Variants in AGBL1 observed in about 807,000 individuals in gnomAD.
AGBL1 encodes AGBL carboxypeptidase 1.
In AGBL1, 130 loss-of-function variants were observed where a neutral mutation model predicts 118.9. The observed-to-expected ratio is 1.09, with a 90% confidence interval of 0.95 to 1.26. The LOEUF (loss-of-function observed/expected upper bound fraction) is 1.26, where lower values mean the gene tolerates loss of function less well. AGBL1 is among the 50% of genes most tolerant of loss of function. The pLI is 0.00. For synonymous variants in AGBL1, 555 were observed against 478.9 expected, an observed-to-expected ratio of 1.16 and a Z score of -2.08; for missense variants, 1,584 against 1,298.1, an observed-to-expected ratio of 1.22 and a Z score of -3.38.
At chr15:86,319,567 C>G (rs61162074) in intron 17 of AGBL1, among the ~76,000 whole-genome samples, 138 of 151,980 alleles carry the variant, frequency 9.1e-4, no homozygotes, top group African/African-American at 3.2e-3. Flanking sequence ...AATACCAATT[C>G]TGACGTAAAT....
chr15:86,313,148 A>C (rs1373752209), intron 17 of AGBL1, among the ~76,000 whole-genome samples: 3 of 152,302 alleles, frequency 2.0e-5, no homozygotes, highest in Middle Eastern at 3.4e-3. Flanking sequence ...TCATGGTAAG[A>C]AGTGGGGGAC....
At chr15:86,156,978 C>T (rs756211506) in intron 4 of AGBL1, among the ~76,000 whole-genome samples, 10 of 151,856 alleles carry the variant, frequency 6.6e-5, no homozygotes, top group South Asian at 4.2e-4. Context: ...TTAGTAAAGA[C>T]GGAGTTTCAC....
At chr15:86,251,540 T>G (rs145722538) in intron 7 of AGBL1, among the ~76,000 whole-genome samples, 1 of 152,308 alleles carries the variant, frequency 6.6e-6, no homozygotes, top group African/African-American at 2.4e-5. Context: ...TGAGACTGAC[T>G]GTAAAGGAAC....
intron 6 of AGBL1, among the ~76,000 whole-genome samples, chr15:86,230,110 G>T (rs549427672): frequency 6.6e-6 from 1 of 152,178 alleles, no homozygotes; most frequent in African/African-American, 2.4e-5. Flanking sequence ...GATCTTCCTC[G>T]TTAATGCTCT....
chr15:86,324,110 T>C lies in AGBL1; in HGVS notation c.2374+28702T>C, dbSNP rs183852182. Among the ~76,000 whole-genome samples the C allele has an allele frequency of 3.9e-3, 589 of 152,310 alleles. 2 individuals are homozygous for C. The highest frequency in any genetic ancestry group is 5.5e-3 in the Non-Finnish European group (375 of 68,020). On this transcript the variant is annotated intron_variant, in intron 17 of 22. Transcript: ENST00000614907. ...TTATTTGCTAATTTAAAAATTACTT[T>C]AATTTAGTGTCAGGCACTGGGCTAG...
chr15:86,294,194 T>A (rs1022642138), intron 16 of AGBL1, among the ~76,000 whole-genome samples: 4 of 151,982 alleles, frequency 2.6e-5, no homozygotes, highest in African/African-American at 9.7e-5. Flanking sequence ...GGTCAGGAGT[T>A]CGAGATCAGC....
chr15:87,031,234 T>C (rs2141818808), downstream of AGBL1, among the ~76,000 whole-genome samples: 1 of 152,110 alleles, frequency 6.6e-6, no homozygotes, highest in East Asian at 1.9e-4. Context: ...TCCTTAATTT[T>C]TTTAAACCAA....
chr15:86,799,271 G>A (rs2078617842), intron 22 of AGBL1, among the ~76,000 whole-genome samples: 1 of 152,030 alleles, frequency 6.6e-6, no homozygotes, highest in Non-Finnish European at 1.5e-5. Context: ...CTGGTGTGCT[G>A]CAACTGTAAT....
chr15:86,449,874 C>G (rs1006313742), intron 18 of AGBL1, among the ~76,000 whole-genome samples: 2 of 152,088 alleles, frequency 1.3e-5, no homozygotes, highest in African/African-American at 4.8e-5. Context: ...CTATGATGGC[C>G]AGTGACATCC....
intron 16 of AGBL1, among the ~76,000 whole-genome samples, chr15:86,286,016 A>G (rs925912602): frequency 5.3e-5 from 8 of 152,054 alleles, no homozygotes; most frequent in African/African-American, 1.9e-4. Context: ...GTTTGATATC[A>G]GGCACCAAAG....
intron 21 of AGBL1, among the ~76,000 whole-genome samples, chr15:86,591,982 G>A (rs1406406283): frequency 6.6e-6 from 1 of 152,064 alleles, no homozygotes; most frequent in Non-Finnish European, 1.5e-5. Flanking sequence ...TATATACCAG[G>A]AAATGAGGTC....
chr15:86,375,217 G>T (rs372759881), intron 17 of AGBL1, among the ~76,000 whole-genome samples: 14 of 152,268 alleles, frequency 9.2e-5, no homozygotes, highest in Admixed American at 7.2e-4. Flanking sequence ...AAAGAAAAGA[G>T]GTTTAATTGA....
intron 22 of AGBL1, among the ~76,000 whole-genome samples, chr15:86,729,238 T>C (rs537619587): frequency 6.2e-4 from 95 of 152,240 alleles, no homozygotes; most frequent in African/African-American, 3.4e-4. Context: ...GAAAAATAGC[T>C]CAAATGATTA....
chr15:86,816,361 A>G (rs1596509773), intron 22 of AGBL1, among the ~76,000 whole-genome samples: 1 of 152,342 alleles, frequency 6.6e-6, no homozygotes, highest in East Asian at 1.9e-4. Flanking sequence ...AGGCCAAGAA[A>G]AGACACATTT....
At chr15:86,974,769 C>G (rs1440433489) in intron 23 of AGBL1, among the ~76,000 whole-genome samples, 3 of 151,412 alleles carry the variant, frequency 2.0e-5, no homozygotes, top group Non-Finnish European at 4.4e-5. Flanking sequence ...CACTCTGAGC[C>G]AGATCAAAAA....
chr15:86,983,216 C>T (rs960498359), intron 23 of AGBL1, among the ~76,000 whole-genome samples: 1 of 151,962 alleles, frequency 6.6e-6, no homozygotes, highest in Non-Finnish European at 1.5e-5. Context: ...ATATATCTTG[C>T]CTAATATTTA....
chr15:86,564,186 G>C (rs1480839744), intron 21 of AGBL1, among the ~76,000 whole-genome samples: 1 of 152,142 alleles, frequency 6.6e-6, no homozygotes, highest in Non-Finnish European at 1.5e-5. Flanking sequence ...ATGTTAACTG[G>C]TTATTTTGCT....
chr15:86,469,066 C>A (rs1325232500), intron 18 of AGBL1, among the ~76,000 whole-genome samples: 1 of 151,248 alleles, frequency 6.6e-6, no homozygotes, highest in Non-Finnish European at 1.5e-5. Flanking sequence ...CAACACCTCA[C>A]AAAGTTTGTT....
chr15:86,323,311 G>C (rs532892849), intron 17 of AGBL1, among the ~76,000 whole-genome samples: 3 of 151,710 alleles, frequency 2.0e-5, no homozygotes, highest in African/African-American at 7.3e-5. Flanking sequence ...TGGGGATCAG[G>C]AAAATAATAT....
Sources: gnomAD v4.1 joint callset for allele counts (sites outside exome capture counted in the v4.1 genomes callset) on GRCh38, gnomAD v4.1.1 for gene constraint, MANE v1.5 for transcripts, NCBI Gene and HGNC (gene_info 2026-07-23, HGNC 2026-07-21) for gene names.